HAPLN3: variants seen among roughly 807,000 people sequenced by gnomAD.
HAPLN3 encodes the protein extracellular link domain containing, 1.
A neutral mutation model predicts 28.1 loss-of-function variants in HAPLN3; 28 were observed. The observed-to-expected ratio is 1.00, with a 90% CI of 0.74 to 1.37. HAPLN3 has a LOEUF of 1.37. HAPLN3 is among the 40% of genes most tolerant of loss of function. HAPLN3 has a pLI of 0.00. For missense variants in HAPLN3, 513 were observed against 504.6 expected (o/e 1.02, Z -0.16); for synonymous variants, 211 against 213.1 (o/e 0.99, Z 0.09).
chr15:88,892,947 G>A (rs781226121), intron 1 of HAPLN3: 7 of 1,534,478 alleles, frequency 4.6e-6, no homozygotes, highest in Non-Finnish European at 6.1e-6. Context: ...CAGCTGGAAG[G>A]CCCAAGACCA....
In HAPLN3 at chr15:88,879,275, G is replaced by A. The variant is rs200075819; in HGVS notation, c.494-6C>T. The A allele has an allele frequency of 1.1e-4, 171 of 1,605,776 alleles. No individual in the cohort carries two copies. In the East Asian group the frequency reaches 2.5e-3, roughly 23 times the overall value. On this transcript the variant is annotated splice_region_variant and splice_polypyrimidine_tract_variant and intron_variant, in intron 3 of 4. Transcript: ENST00000359595. This position sits in a 1 kb window ranked among gnomAD's most constrained non-coding sequence, Gnocchi z 5.0. ...CTGGTAAGGAAAGACCACACCTGCA[G>A]GGGAAGGAAAGAGGAGCTTAGGGGG...
At position 88,889,990 on chromosome 15, in the gene HAPLN3, AAGGGAGGGAGGG is replaced by A. The variant is rs551221211; in HGVS notation, c.-47-2657_-47-2646del. The stretch of plus-strand genomic sequence containing the variant: ...GGAGAAAGGAAGGAAGGAAAGAAGG[AAGGGAGGGAGGG>A]AGGGAGGGAGGGAGGAAGGGGAGGA... On this transcript the variant is annotated intron_variant, in intron 1 of 4. Transcript: ENST00000359595. Among the ~76,000 whole-genome samples the A allele has an allele frequency of 1.3e-4, 17 of 126,240 alleles. No homozygotes were observed. The East Asian group carries it at 1.4e-3, about 10-fold the overall frequency. 82.8% of individuals were successfully genotyped at this position (126,240 alleles called of 152,430 possible).
In HAPLN3 at chr15:88,894,432, C is replaced by T. The variant is rs561461157; in HGVS notation, c.-48+1027G>A. ...ACTGGGCCTTCCGTGAGTACAAGTC[C>T]CCCAGGTACCAGCAGGAGGCAGCAT... On this transcript the variant is annotated intron_variant, in intron 1 of 4. Coordinates refer to ENST00000359595, the MANE Select transcript of HAPLN3 (RefSeq NM_178232.4). Among the ~76,000 whole-genome samples, 39 of 152,300 alleles carry T rather than the reference C, an allele frequency of 2.6e-4. No homozygotes were observed. In the South Asian group the frequency reaches 3.7e-3, roughly 15 times the overall value.
At chr15:88,878,315 G>C in intron 4 of HAPLN3, 59 bp from the exon 5 acceptor site, 1 of 1,499,932 alleles carries the variant, frequency 6.7e-7, no homozygotes, top group Non-Finnish European at 9.0e-7. Context: ...GAGCACAGCG[G>C]GGTCTGCAGA....
Position 88,880,524 on chromosome 15 carries a change from G to T in HAPLN3, c.493+833C>A, listed in dbSNP as rs1221712656. 7.8e-7 allele frequency: 1 copy of T among 1,282,004 alleles called. No homozygotes were observed. Among genetic ancestry groups the T allele is most frequent in the South Asian group, 1.2e-5 (1 of 80,734 alleles). The allele number at this position is 1,282,004 out of a possible 1,614,324, so 79.4% of individuals were successfully genotyped here. A position where few individuals can be genotyped will look rare whatever the true frequency, so the allele number is the denominator to read the frequency against. On this transcript the variant is annotated intron_variant, in intron 3 of 4. Coordinates refer to ENST00000359595, the MANE Select transcript of HAPLN3 (RefSeq NM_178232.4). The surrounding 1 kb of genome is among the most constrained non-coding windows in gnomAD (Gnocchi z 6.0). ...TTACCCACATGTCATAGCTGGGACG[G>T]GCTGGGGCTAAAGTCAGGTCACCTT...
In HAPLN3 at chr15:88,895,126, A is replaced by G. The variant is rs188695477; in HGVS notation, c.-48+333T>C. Among the ~76,000 whole-genome samples the G allele has an allele frequency of 4.6e-5, 7 of 152,300 alleles. No homozygotes were observed. Among genetic ancestry groups the G allele is most frequent in the African/African-American group, 1.2e-4 (5 of 41,566 alleles). The stretch of plus-strand genomic sequence containing the variant: ...CGACCCTGGACAGACGACAGGGGAG[A>G]GAGCCAAGCGGACCCTGGCAGGAAG... On this transcript the variant is annotated intron_variant, in intron 1 of 4. Transcript: ENST00000359595. The surrounding 1 kb of genome is among the most constrained non-coding windows in gnomAD (Gnocchi z 5.5).
At position 88,877,960 on chromosome 15, in the gene HAPLN3, G is replaced by A. The variant is rs1897574346; in HGVS notation, c.*10C>T. The A allele has an allele frequency of 1.9e-6, 3 of 1,578,994 alleles. No individual in the cohort carries two copies. The African/African-American group carries it at 4.1e-5, about 21-fold the overall frequency. The stretch of plus-strand genomic sequence containing the variant: ...CAGTGAGGGAATGCGGCAGGGGAGG[G>A]CCCCAGGTCCTAGTGCTGGCGGTAG... On this transcript the variant is annotated 3_prime_UTR_variant, in exon 5 of 5. Coordinates refer to ENST00000359595, the MANE Select transcript of HAPLN3 (RefSeq NM_178232.4). The surrounding 1 kb of genome is among the most constrained non-coding windows in gnomAD (Gnocchi z 5.1).
rs1334635055 is a variant in HAPLN3 at position 88,888,626 on chromosome 15, CCTGCCATTTA to C, written c.-47-1291_-47-1282del. 1.3e-5 allele frequency among the ~76,000 whole-genome samples: 2 copies of C among 152,196 alleles called. No homozygotes were observed. The highest frequency in any genetic ancestry group is 2.9e-5 in the Non-Finnish European group (2 of 68,038). ...ACTCATGTCACCCTAGCCCTGCTCA[CCTGCCATTTA>C]CTGCGTGCTCTCAACAATTAAAAGA... On this transcript the variant is annotated intron_variant, in intron 1 of 4. Coordinates refer to ENST00000359595, the MANE Select transcript of HAPLN3 (RefSeq NM_178232.4). The surrounding 1 kb of genome is among the most constrained non-coding windows in gnomAD (Gnocchi z 4.1).
At chr15:88,883,719 G>T (rs1054504531) in intron 2 of HAPLN3, among the ~76,000 whole-genome samples, 2 of 152,238 alleles carry the variant, frequency 1.3e-5, no homozygotes, top group Admixed American at 6.5e-5. Flanking sequence ...GGTGATAAGG[G>T]AGAATACAAA....
At chr15:88,890,258 G>A (rs528565334) in intron 1 of HAPLN3, among the ~76,000 whole-genome samples, 88 of 152,306 alleles carry the variant, frequency 5.8e-4, no homozygotes, top group African/African-American at 2.0e-3. Context: ...CATCTGTGCT[G>A]TGCACTGCAG....
chr15:88,879,724 G>A lies in HAPLN3; in HGVS notation c.494-455C>T, dbSNP rs1897645199. 10 of 1,176,364 alleles carry A rather than the reference G, an allele frequency of 8.5e-6. No individual in the cohort carries two copies. The highest frequency in any genetic ancestry group is 1.1e-5 in the Non-Finnish European group (10 of 936,090). The allele number at this position is 1,176,364 out of a possible 1,614,324, so 72.9% of individuals were successfully genotyped here. ...TGCAAGGAACTTTCCACGTGTGGCA[G>A]ATGATTTTCAGGAGAAGGAGAGGCC... On this transcript the variant is annotated intron_variant, in intron 3 of 4. Transcript: ENST00000359595. The surrounding 1 kb of genome is among the most constrained non-coding windows in gnomAD (Gnocchi z 5.0).
chr15:88,880,351 G>A lies in HAPLN3; in HGVS notation c.493+1006C>T. 9.0e-7 allele frequency: 1 copy of A among 1,116,832 alleles called. No individual in the cohort carries two copies. Among genetic ancestry groups the A allele is most frequent in the Non-Finnish European group, 1.1e-6 (1 of 903,332 alleles). The allele number at this position is 1,116,832 out of a possible 1,614,324, so 69.2% of individuals were successfully genotyped here. A position where few individuals can be genotyped will look rare whatever the true frequency, so the allele number is the denominator to read the frequency against. Reference sequence around the variant, plus strand: ...GCGGCCCCTCTGAGCCACCATGTAAGCCATGTGGACACTGGTGGCAAAGAC... The same window carrying A: ...GCGGCCCCTCTGAGCCACCATGTAAACCATGTGGACACTGGTGGCAAAGAC... On this transcript the variant is annotated intron_variant, in intron 3 of 4. Transcript: ENST00000359595. This position sits in a 1 kb window ranked among gnomAD's most constrained non-coding sequence, Gnocchi z 6.0.
In HAPLN3 at chr15:88,881,324, C is replaced by A; in HGVS notation, c.493+33G>T. 6.3e-7 allele frequency: 1 copy of A among 1,586,624 alleles called. No homozygotes were observed. On this transcript the variant is annotated intron_variant, in intron 3 of 4. Transcript: ENST00000359595. This position sits in a 1 kb window ranked among gnomAD's most constrained non-coding sequence, Gnocchi z 6.0. ...GGTCCTCTCCCCTCTGCTCTCAGGTCCCAGTGTCACCCAGTCCCCGTTAGC... is the reference window on the plus strand; with the variant it reads ...GGTCCTCTCCCCTCTGCTCTCAGGTACCAGTGTCACCCAGTCCCCGTTAGC...
intron 1 of HAPLN3, chr15:88,893,124 AGG>A: frequency 1.3e-6 from 1 of 752,376 alleles, no homozygotes; most frequent in South Asian, 1.5e-5. Context: ...TGTAAAAAAA[AGG>A]AACTTAAGGC....
intron 2 of HAPLN3, among the ~76,000 whole-genome samples, chr15:88,883,822 A>C (rs1897771171): frequency 6.6e-6 from 1 of 152,264 alleles, no homozygotes; most frequent in South Asian, 2.1e-4. Context: ...TCACGCCTGT[A>C]ATCCTAGCAC....
Position 88,881,669 on chromosome 15 carries a change from A to G in HAPLN3, c.181T>C (p.Tyr61His). 3 of 1,613,732 alleles carry G rather than the reference A, an allele frequency of 1.9e-6. No homozygotes were observed. Among genetic ancestry groups the G allele is most frequent in the Non-Finnish European group, 2.5e-6 (3 of 1,179,990 alleles). ...GGCAGGATCACACTGGCCCCTTGGT[A>G]GGTGAACAGGGTCTCCTCGGGTGTC... ...VETPEETLFT[Y>H]QGASVILPCR... The change falls in exon 3 of 5, where the codon TAC (tyrosine) becomes CAC (histidine). Residue 61 changes from tyrosine to histidine, a missense_variant. By Grantham distance (83) the Tyr-to-His change is moderately conservative. Transcript: ENST00000359595. This position sits in a 1 kb window ranked among gnomAD's most constrained non-coding sequence, Gnocchi z 6.0.
Position 88,879,072 on chromosome 15 carries a change from G to T in HAPLN3, c.691C>A (p.Gln231Lys). ...GCCAGGCCCGGGCCACCGCAGGGCT[G>T]CCGGGGCAACATGATGGGGTACTGC... The part of the protein sequence containing the change: ...TVQYPIMLPR[Q>K]PCGGPGLAPG... Residue 231 changes from glutamine (Q) to lysine (K), a missense_variant, in exon 4 of 5, where the codon CAG becomes AAG. Physicochemically the swap from Gln to Lys is moderately conservative, Grantham distance 53. Coordinates refer to ENST00000359595, the MANE Select transcript of HAPLN3 (RefSeq NM_178232.4). The surrounding 1 kb of genome is among the most constrained non-coding windows in gnomAD (Gnocchi z 5.0). 1.2e-6 allele frequency: 2 copies of T among 1,608,176 alleles called. No individual in the cohort carries two copies. Among genetic ancestry groups the T allele is most frequent in the Non-Finnish European group, 1.7e-6 (2 of 1,177,430 alleles).
At chr15:88,894,864 C>A (rs78143744) in intron 1 of HAPLN3, among the ~76,000 whole-genome samples, 18,589 of 152,256 alleles carry the variant, frequency 0.12, 1,289 homozygotes, top group Middle Eastern at 0.2. Flanking sequence ...CCTCCCTACC[C>A]TTCTGGCCTC....
At position 88,877,901 on chromosome 15, in the gene HAPLN3, C is replaced by G; in HGVS notation, c.*69G>C. Reference sequence around the variant, plus strand: ...AAACAGTTAAAATGGCTCCAACCCACAAGGGAAAACGAACCACTCAATAAA... The same window carrying G: ...AAACAGTTAAAATGGCTCCAACCCAGAAGGGAAAACGAACCACTCAATAAA... On this transcript the variant is annotated 3_prime_UTR_variant, in exon 5 of 5. Transcript: ENST00000359595. This position sits in a 1 kb window ranked among gnomAD's most constrained non-coding sequence, Gnocchi z 5.1. The G allele has an allele frequency of 1.4e-6, 2 of 1,448,014 alleles. No individual in the cohort carries two copies. The highest frequency in any genetic ancestry group is 4.6e-5 in the Admixed American group (2 of 43,020). 89.7% of individuals were successfully genotyped at this position (1,448,014 alleles called of 1,614,324 possible). A position where few individuals can be genotyped will look rare whatever the true frequency, so the allele number is the denominator to read the frequency against.
Sources: allele counts gnomAD v4.1 joint callset (sites outside exome capture counted in the v4.1 genomes callset), GRCh38; gene constraint gnomAD v4.1.1; non-coding constraint Gnocchi (gnomAD v3.1); transcripts MANE v1.5; gene names NCBI Gene and HGNC (gene_info 2026-07-23, HGNC 2026-07-21).